Variants in IVD observed in about 807,000 individuals in gnomAD.
IVD encodes isovaleryl-CoA dehydrogenase.
A neutral mutation model predicts 51.3 loss-of-function variants in IVD; 31 were observed. That is an observed-to-expected ratio of 0.60 (90% CI 0.45 to 0.81). The LOEUF is 0.81. Among genes scored for constraint, IVD ranks in the 40% least tolerant of loss-of-function variants. The pLI is 0.00. For missense variants in IVD, 475 were observed against 552.0 expected, an observed-to-expected ratio of 0.86 and a Z score of 1.40; for synonymous variants, 205 against 219.4, an observed-to-expected ratio of 0.93 and a Z score of 0.58.
At chr15:40,422,325 C>G (rs1399607787), downstream of IVD, among the ~76,000 whole-genome samples, 1 of 152,076 alleles carries the variant, frequency 6.6e-6, no homozygotes, top group Admixed American at 6.6e-5. Flanking sequence ...GCTCTGTCGC[C>G]CAAGCTGGAG....
At position 40,416,172 on chromosome 15, in the gene IVD, G is replaced by A. The variant is rs1891653905; in HGVS notation, c.1055G>A (p.Cys352Tyr). 1 of 1,614,022 alleles carries A rather than the reference G, an allele frequency of 6.2e-7. No individual in the cohort carries two copies. The highest frequency in any genetic ancestry group is 1.3e-5 in the African/African-American group (1 of 74,940). ...GCCAAGGCCTGCGATGAGGGCCATT[G>A]CACTGCTAAGGTGAGGGCCAGCCTC... is the stretch of plus-strand genomic sequence containing the variant. ...NVAKACDEGHCTAKDCAGVIL... is the reference protein window; with the variant it reads ...NVAKACDEGHYTAKDCAGVIL... The change falls in exon 10 of 12, where the codon TGC (cysteine) becomes TAC (tyrosine). Residue 352 changes from cysteine to tyrosine, a missense_variant. By Grantham distance (194) the Cys-to-Tyr change is radical. Coordinates refer to ENST00000487418, the MANE Select transcript of IVD (RefSeq NM_002225.5).
chr15:40,427,394 C>T (rs549702821), downstream of IVD, among the ~76,000 whole-genome samples: 37 of 152,362 alleles, frequency 2.4e-4, no homozygotes, highest in Admixed American at 8.5e-4. Context: ...AGCGTGAACA[C>T]GCAGCTGCTT....
downstream of IVD, among the ~76,000 whole-genome samples, chr15:40,422,583 G>T (rs11635104): frequency 3.5e-5 from 3 of 86,074 alleles, no homozygotes; most frequent in African/African-American, 1.2e-4. Flanking sequence ...GCGCCCGGCC[G>T]ACTTTTTTTT....
At chr15:40,407,049 G>A (rs1890518415) in intron 1 of IVD, among the ~76,000 whole-genome samples, 1 of 152,118 alleles carries the variant, frequency 6.6e-6, no homozygotes, top group Non-Finnish European at 1.5e-5. Flanking sequence ...TTTTAGTAGA[G>A]ACGGAGTTTC....
At chr15:40,421,398 A>AT, downstream of IVD, 1 of 985,434 alleles carries the variant, frequency 1.0e-6, no homozygotes, top group Non-Finnish European at 1.2e-6. Flanking sequence ...GCATTGGGCA[A>AT]ATCTGCAGCA....
downstream of IVD, among the ~76,000 whole-genome samples, chr15:40,422,585 C>CTT (rs1157351420): frequency 3.1e-3 from 211 of 69,126 alleles, 21 homozygotes; most frequent in African/African-American, 0.014. Context: ...GCCCGGCCGA[C>CTT]TTTTTTTTTT....
At chr15:40,410,082 C>T (rs184438345) in intron 3 of IVD, among the ~76,000 whole-genome samples, 19 of 152,156 alleles carry the variant, frequency 1.2e-4, no homozygotes, top group African/African-American at 4.3e-4. Flanking sequence ...GTGATCTGCC[C>T]ACCTCAGCCT....
At chr15:40,431,587 C>T (rs1472514897) in intron 7 of IVD, among the ~76,000 whole-genome samples, 3 of 151,648 alleles carry the variant, frequency 2.0e-5, no homozygotes, top group African/African-American at 7.3e-5. Context: ...CCCAGCTACT[C>T]GGGAGGCTGA....
rs1891222369 is a variant in IVD, at chr15:40,412,829, C to T, written c.688-162C>T. On this transcript the variant is annotated intron_variant, in intron 6 of 11. Transcript: ENST00000487418. Reference sequence around the variant, plus strand: ...GGCTGGGATCAATCTGGGGCGTTAGCACCGGAAGGTCCCGGGGGGAGCATG... The same window carrying T: ...GGCTGGGATCAATCTGGGGCGTTAGTACCGGAAGGTCCCGGGGGGAGCATG... 9.4e-6 allele frequency: 6 copies of T among 638,736 alleles called. No homozygotes were observed. In the Admixed American group the frequency reaches 9.6e-5, roughly 10 times the overall value. 39.6% of individuals were successfully genotyped at this position (638,736 alleles called of 1,614,324 possible).
Position 40,411,599 on chromosome 15 carries a change from G to GCTGAC in IVD, c.595_596insCTGAC (p.Gly199AlafsTer9). ...TGGCAACAAGTTCTGGATCACTAATGGCCCTGATGCTGACGTCCTGATTGT... is the reference window on the plus strand; with the variant it reads ...TGGCAACAAGTTCTGGATCACTAATGCTGACGCCCTGATGCTGACGTCCTGATTGT... On this transcript the variant is annotated frameshift_variant, in exon 6 of 12. Transcript: ENST00000487418. LOFTEE classifies it high-confidence loss of function. The GCTGAC allele has an allele frequency of 6.2e-7, 1 of 1,614,168 alleles. No individual in the cohort carries two copies. Among genetic ancestry groups the GCTGAC allele is most frequent in the Non-Finnish European group, 8.5e-7 (1 of 1,180,012 alleles).
At chr15:40,413,323 C>A (rs947737663) in intron 7 of IVD, 5 of 566,426 alleles carry the variant, frequency 8.8e-6, no homozygotes, top group Non-Finnish European at 1.6e-5. Flanking sequence ...ACTCAGTAGC[C>A]GGAGGAGAAG....
downstream of IVD, among the ~76,000 whole-genome samples, chr15:40,425,729 C>T (rs1427144245): frequency 3.3e-5 from 5 of 152,002 alleles, no homozygotes; most frequent in African/African-American, 1.2e-4. Context: ...CATCATGTCG[C>T]CCAGGCTGGT....
In IVD at chr15:40,409,159, T is replaced by G. The variant is rs1400415213; in HGVS notation, c.286+1169T>G. Among the ~76,000 whole-genome samples the G allele has an allele frequency of 4.6e-5, 7 of 152,210 alleles. No homozygotes were observed. The East Asian group carries it at 1.3e-3, about 29-fold the overall frequency. On this transcript the variant is annotated intron_variant, in intron 3 of 11. Transcript: ENST00000487418. ...TAAGCAAGACTCTCCTACTGTGTTTTGGGGGTTTATGTACCCCACTCCCTG... is the reference window on the plus strand; with the variant it reads ...TAAGCAAGACTCTCCTACTGTGTTTGGGGGGTTTATGTACCCCACTCCCTG...
At chr15:40,406,279 C>T (rs1890402475) in intron 1 of IVD, 2 of 1,440,486 alleles carry the variant, frequency 1.4e-6, no homozygotes, top group Non-Finnish European at 1.8e-6. Flanking sequence ...GAGGATTGGC[C>T]AGGCTACCTA....
chr15:40,412,285 GCAGGAAC>G (rs1174901840), intron 6 of IVD, among the ~76,000 whole-genome samples: 2 of 152,232 alleles, frequency 1.3e-5, no homozygotes, highest in African/African-American at 2.4e-5. Flanking sequence ...AGGTGATGGT[GCAGGAAC>G]CACTTGCCTA....
intron 1 of IVD, chr15:40,406,337 C>G: frequency 7.5e-7 from 1 of 1,339,884 alleles, no homozygotes; most frequent in Non-Finnish European, 9.8e-7. Context: ...TCACTTACAC[C>G]TGAACAGGCT....
chr15:40,428,755 C>G (rs1466502066), downstream of IVD, among the ~76,000 whole-genome samples: 1 of 152,196 alleles, frequency 6.6e-6, no homozygotes, highest in Non-Finnish European at 1.5e-5. Flanking sequence ...GGGCAAGAGC[C>G]CTGGAAGTGC....
chr15:40,429,860 A>G (rs915544818), intron 7 of IVD, among the ~76,000 whole-genome samples: 3 of 152,196 alleles, frequency 2.0e-5, no homozygotes, highest in Admixed American at 1.3e-4. Context: ...CGAAGCCAGA[A>G]CTGTAACTTT....
chr15:40,420,479 T>C lies in IVD; in HGVS notation c.*2216T>C, dbSNP rs1385842764. The C allele has an allele frequency of 2.0e-6, 2 of 987,700 alleles. No individual in the cohort carries two copies. Among genetic ancestry groups the C allele is most frequent in the Non-Finnish European group, 1.2e-6 (1 of 830,130 alleles). 61.2% of individuals were successfully genotyped at this position (987,700 alleles called of 1,614,324 possible). A position where few individuals can be genotyped will look rare whatever the true frequency, so the allele number is the denominator to read the frequency against. On this transcript the variant is annotated 3_prime_UTR_variant, in exon 12 of 12. Transcript: ENST00000487418. ...TGGGGAGAAGCAATCTACTTGCCGC[T>C]GCTTCCTGTCTGGATCCAGCTTGTG...
Sources: gnomAD v4.1 joint callset for allele counts (sites outside exome capture counted in the v4.1 genomes callset) on GRCh38, gnomAD v4.1.1 for gene constraint, MANE v1.5 for transcripts, NCBI Gene and HGNC (gene_info 2026-07-23, HGNC 2026-07-21) for gene names.